Variants in ACTL8 observed in about 807,000 individuals in gnomAD.
ACTL8 encodes actin like 8, also known as actin-like protein 8.
Under a neutral mutation model 9.3 loss-of-function variants are expected in ACTL8, and 3 were observed. The ratio of observed to expected loss-of-function variants is 0.32; its 90% confidence interval spans 0.15 to 0.83. The LOEUF (loss-of-function observed/expected upper bound fraction) is 0.83. ACTL8 is among the 40% of genes least tolerant of loss of function. ACTL8 has a pLI of 0.57. For synonymous variants in ACTL8, 224 were observed against 205.9 expected (o/e 1.09, Z -0.75); for missense variants, 381 against 492.2 (o/e 0.77, Z 2.14).
chr1:17,772,974 C>G (rs990170220), intron 1 of ACTL8, among the ~76,000 whole-genome samples: 2 of 152,114 alleles, frequency 1.3e-5, no homozygotes, highest in Non-Finnish European at 2.9e-5. Flanking sequence ...GTGGTTGACC[C>G]TCGCTCACAG....
chr1:17,772,427 C>T (rs750813519), intron 1 of ACTL8, among the ~76,000 whole-genome samples: 5 of 152,050 alleles, frequency 3.3e-5, no homozygotes, highest in Non-Finnish European at 5.9e-5. Context: ...CTCCTAAAGT[C>T]GGTTTCTCCC....
At chr1:17,820,094 C>CA (rs2124192050) in intron 1 of ACTL8, among the ~76,000 whole-genome samples, 1 of 152,236 alleles carries the variant, frequency 6.6e-6, no homozygotes, top group East Asian at 1.9e-4. Flanking sequence ...GAAGTGTGCC[C>CA]AGCTCCACAA....
chr1:17,805,942 G>A (rs952798531), intron 1 of ACTL8, among the ~76,000 whole-genome samples: 1 of 152,302 alleles, frequency 6.6e-6, no homozygotes, highest in Non-Finnish European at 1.5e-5. Context: ...CTGGGAGGCC[G>A]TAGGGACAAG....
intron 1 of ACTL8, among the ~76,000 whole-genome samples, chr1:17,795,635 C>G (rs527975500): frequency 2.6e-5 from 4 of 152,132 alleles, no homozygotes; most frequent in Non-Finnish European, 5.9e-5. Flanking sequence ...ATAACAGATT[C>G]CCTTTGGCTC....
chr1:17,814,121 A>T (rs1313826818), intron 1 of ACTL8, among the ~76,000 whole-genome samples: 1 of 152,220 alleles, frequency 6.6e-6, no homozygotes. Context: ...CATTTTGATC[A>T]ACCACAGATG....
chr1:17,768,977 C>T (rs1044660174), intron 1 of ACTL8, among the ~76,000 whole-genome samples: 1 of 152,134 alleles, frequency 6.6e-6, no homozygotes, highest in African/African-American at 2.4e-5. Flanking sequence ...TTTGTTGTAG[C>T]CTGTTTAACC....
chr1:17,797,919 TG>T (rs1367385309), intron 1 of ACTL8, among the ~76,000 whole-genome samples: 5 of 152,112 alleles, frequency 3.3e-5, no homozygotes. Context: ...AAATCTGACT[TG>T]GCTGTAGGAG....
intron 1 of ACTL8, among the ~76,000 whole-genome samples, chr1:17,766,086 G>A (rs988904400): frequency 6.6e-6 from 1 of 152,216 alleles, no homozygotes; most frequent in African/African-American, 2.4e-5. Context: ...GACACTCCCA[G>A]CCCTTGTAAT....
chr1:17,805,135 CA>C (rs1293166508), intron 1 of ACTL8, among the ~76,000 whole-genome samples: 1 of 152,084 alleles, frequency 6.6e-6, no homozygotes, highest in African/African-American at 2.4e-5. Context: ...CTTCCAGCCA[CA>C]CGGGGAAGCA....
At chr1:17,757,347 A>G in intron 1 of ACTL8, among the ~76,000 whole-genome samples, 1 of 152,164 alleles carries the variant, frequency 6.6e-6, no homozygotes, top group East Asian at 1.9e-4. Context: ...AATTATGACA[A>G]CAGTTGGAAT....
chr1:17,775,929 G>A (rs2066115838), intron 1 of ACTL8, among the ~76,000 whole-genome samples: 1 of 152,188 alleles, frequency 6.6e-6, no homozygotes, highest in Non-Finnish European at 1.5e-5. Flanking sequence ...GTATAAGGAA[G>A]CATCTATTCT....
intron 1 of ACTL8, among the ~76,000 whole-genome samples, chr1:17,822,117 T>A (rs529394528): frequency 1.3e-5 from 2 of 152,232 alleles, no homozygotes; most frequent in Non-Finnish European, 2.9e-5. Context: ...AGGTGTTAGA[T>A]GCTTAGCTCA....
chr1:17,768,337 G>C (rs903377697), intron 1 of ACTL8, among the ~76,000 whole-genome samples: 1 of 152,194 alleles, frequency 6.6e-6, no homozygotes, highest in Admixed American at 6.5e-5. Context: ...ACCTTGTGGC[G>C]AGGCCTGGCC....
At chr1:17,803,503 G>A (rs911940600) in intron 1 of ACTL8, among the ~76,000 whole-genome samples, 3 of 152,156 alleles carry the variant, frequency 2.0e-5, no homozygotes, top group Admixed American at 6.5e-5. Context: ...GCTAATTTTT[G>A]TATTTTTAGT....
intron 1 of ACTL8, among the ~76,000 whole-genome samples, chr1:17,803,568 T>C (rs974970089): frequency 2.0e-5 from 3 of 152,214 alleles, no homozygotes; most frequent in African/African-American, 7.2e-5. Context: ...TGACCTCAGG[T>C]GATCCATGTG....
At chr1:17,764,876 G>A (rs993211002) in intron 1 of ACTL8, among the ~76,000 whole-genome samples, 2 of 152,194 alleles carry the variant, frequency 1.3e-5, no homozygotes, top group African/African-American at 4.8e-5. Context: ...TGGCCTGGTC[G>A]CTGGCTCTCT....
intron 1 of ACTL8, among the ~76,000 whole-genome samples, chr1:17,790,689 C>T (rs558998909): frequency 5.9e-5 from 9 of 152,304 alleles, no homozygotes; most frequent in Non-Finnish European, 1.0e-4. Context: ...GAAGGTGGGG[C>T]CTCACCAGGG....
chr1:17,806,535 C>T (rs1243412746), intron 1 of ACTL8, among the ~76,000 whole-genome samples: 5 of 152,190 alleles, frequency 3.3e-5, no homozygotes, highest in Non-Finnish European at 2.9e-5. Context: ...GGGAGTGGGA[C>T]TTGCTTAGCG....
chr1:17,796,336 G>GTGTA (rs2066277115), intron 1 of ACTL8, among the ~76,000 whole-genome samples: 1 of 148,888 alleles, frequency 6.7e-6, no homozygotes, highest in Non-Finnish European at 1.5e-5. Context: ...GTGTGTGTGT[G>GTGTA]TAGGTAAGCA....
Sources: allele counts gnomAD v4.1 joint callset (sites outside exome capture counted in the v4.1 genomes callset), GRCh38; gene constraint gnomAD v4.1.1; transcripts MANE v1.5; gene names NCBI Gene and HGNC (gene_info 2026-07-23, HGNC 2026-07-21).